The following CAMTA1 variants were observed in gnomAD, a reference collection of about 807,000 sequenced individuals.
CAMTA1 encodes the protein calmodulin-binding transcription activator 1.
A neutral mutation model predicts 170.9 loss-of-function variants in CAMTA1; 27 were observed. The observed-to-expected ratio is 0.16, with a 90% CI of 0.12 to 0.22. CAMTA1 has a LOEUF of 0.22. CAMTA1 is among the 10% of genes least tolerant of loss of function. CAMTA1 has a pLI of 1.00. For missense variants in CAMTA1, 1,619 were observed against 2,217.2 expected, an observed-to-expected ratio of 0.73 and a Z score of 5.42; for synonymous variants, 833 against 891.5, an observed-to-expected ratio of 0.93 and a Z score of 1.17.
At chr1:7,322,810 G>A (rs1012858902) in intron 5 of CAMTA1, among the ~76,000 whole-genome samples, 12 of 152,122 alleles carry the variant, frequency 7.9e-5, no homozygotes, top group Admixed American at 2.6e-4. Context: ...AGAATTACCA[G>A]AGATTTGTCA....
intron 4 of CAMTA1, among the ~76,000 whole-genome samples, chr1:7,238,275 C>G (rs1408945348): frequency 1.3e-5 from 2 of 151,664 alleles, no homozygotes; most frequent in Non-Finnish European, 2.9e-5. Flanking sequence ...GGATGAGACT[C>G]GGTGGTTTAG....
intron 6 of CAMTA1, among the ~76,000 whole-genome samples, chr1:7,595,957 C>T (rs908540783): frequency 4.6e-5 from 7 of 152,200 alleles, no homozygotes; most frequent in East Asian, 1.9e-4. Flanking sequence ...AGATTAGGGG[C>T]CTGACACTTG....
At chr1:7,670,667 C>T (rs1393010349) in intron 9 of CAMTA1, among the ~76,000 whole-genome samples, 2 of 152,172 alleles carry the variant, frequency 1.3e-5, no homozygotes, top group Non-Finnish European at 2.9e-5. Context: ...TTGGAGCTGC[C>T]GGTCCTGGGG....
intron 19 of CAMTA1, 106 bp downstream of exon 19, chr1:7,747,887 C>A: frequency 1.7e-6 from 1 of 604,736 alleles, no homozygotes; most frequent in Non-Finnish European, 2.8e-6. Context: ...ATTACAGAGA[C>A]TTAATTTGTT....
chr1:7,075,236 A>C (rs943738164), intron 3 of CAMTA1, among the ~76,000 whole-genome samples: 6 of 152,172 alleles, frequency 3.9e-5, no homozygotes, highest in African/African-American at 1.4e-4. Flanking sequence ...TGGGCCCTAG[A>C]GCAATGGTTT....
At position 7,059,465 on chromosome 1, in the gene CAMTA1, T is replaced by A. The variant is rs191868611; in HGVS notation, c.235-31839T>A. ...GGACCCCATCTCTACAAAAGATTTT[T>A]AAAAATTAGCTGGGCACAACGATGC... On this transcript the variant is annotated intron_variant, in intron 3 of 22. Coordinates refer to ENST00000303635, the MANE Select transcript of CAMTA1 (RefSeq NM_015215.4). Among the ~76,000 whole-genome samples, 41 of 152,056 alleles carry A rather than the reference T, an allele frequency of 2.7e-4. 1 individual carries two copies. The East Asian group carries it at 7.6e-3, about 28-fold the overall frequency.
At chr1:7,308,077 G>C (rs1367288133) in intron 5 of CAMTA1, among the ~76,000 whole-genome samples, 1 of 150,898 alleles carries the variant, frequency 6.6e-6, no homozygotes, top group Admixed American at 6.6e-5. Flanking sequence ...TTTTAAATCT[G>C]GGTGCATTTT....
intron 3 of CAMTA1, among the ~76,000 whole-genome samples, chr1:6,983,728 A>G (rs994744040): frequency 1.0e-4 from 13 of 130,618 alleles, no homozygotes; most frequent in Non-Finnish European, 1.6e-4. Context: ...ATGTATGGGT[A>G]GGGGGATGGG....
At chr1:7,226,603 A>G (rs186230396) in intron 4 of CAMTA1, among the ~76,000 whole-genome samples, 154 of 152,284 alleles carry the variant, frequency 1.0e-3, no homozygotes, top group Admixed American at 2.7e-3. Context: ...AGAGAACTCA[A>G]TGCTTCCGGA....
chr1:7,475,315 C>G (rs374555438), intron 6 of CAMTA1, among the ~76,000 whole-genome samples: 8 of 152,154 alleles, frequency 5.3e-5, no homozygotes, highest in Non-Finnish European at 1.0e-4. Flanking sequence ...CAGGGCTCCA[C>G]GGCTCCCACC....
chr1:6,849,487 G>A (rs765824596), intron 3 of CAMTA1, among the ~76,000 whole-genome samples: 3 of 152,052 alleles, frequency 2.0e-5, no homozygotes, highest in Admixed American at 6.6e-5. Flanking sequence ...AGCCTACAAA[G>A]GAGACTAAGA....
In CAMTA1 at chr1:7,211,942, A is replaced by T. The variant is rs1573927134; in HGVS notation, c.303-37549A>T. On this transcript the variant is annotated intron_variant, in intron 4 of 22. Coordinates refer to ENST00000303635, the MANE Select transcript of CAMTA1 (RefSeq NM_015215.4). ...AGTCCAACATCACAGGGTTCCTCCT[A>T]GCCGTTCATCTTTCCATATGTGGCA... Among the ~76,000 whole-genome samples, 3 of 152,242 alleles carry T rather than the reference A, an allele frequency of 2.0e-5. No homozygotes were observed. The South Asian group carries it at 6.2e-4, about 31-fold the overall frequency.
intron 3 of CAMTA1, among the ~76,000 whole-genome samples, chr1:7,076,876 T>C (rs1469779998): frequency 6.6e-6 from 1 of 152,220 alleles, no homozygotes; most frequent in Non-Finnish European, 1.5e-5. Flanking sequence ...TCATGAATTC[T>C]CCTCCTGTTT....
At chr1:7,284,376 G>A (rs1181821377) in intron 5 of CAMTA1, among the ~76,000 whole-genome samples, 2 of 151,726 alleles carry the variant, frequency 1.3e-5, no homozygotes, top group Non-Finnish European at 2.9e-5. Flanking sequence ...GCTAATTTTT[G>A]TATTTTTAGT....
intron 3 of CAMTA1, among the ~76,000 whole-genome samples, chr1:7,037,160 A>G (rs1343137176): frequency 6.6e-6 from 1 of 151,950 alleles, no homozygotes; most frequent in Non-Finnish European, 1.5e-5. Context: ...ACACTTGCTC[A>G]TTTGTTTAGT....
At chr1:7,225,230 G>A (rs1231130631) in intron 4 of CAMTA1, among the ~76,000 whole-genome samples, 5 of 152,032 alleles carry the variant, frequency 3.3e-5, no homozygotes, top group African/African-American at 7.2e-5. Flanking sequence ...GACTACAGGC[G>A]CCCACCACCA....
intron 1 of CAMTA1, among the ~76,000 whole-genome samples, chr1:6,798,344 C>T (rs959946140): frequency 6.6e-6 from 1 of 152,162 alleles, no homozygotes; most frequent in African/African-American, 2.4e-5. Flanking sequence ...ATTTTCAAAG[C>T]CATGTGCCAC....
At chr1:7,493,615 A>G (rs2093774581) in intron 6 of CAMTA1, among the ~76,000 whole-genome samples, 1 of 144,360 alleles carries the variant, frequency 6.9e-6, no homozygotes, top group Non-Finnish European at 1.5e-5. Flanking sequence ...TTATTCCTCA[A>G]AAGCACAGCA....
At position 6,970,910 on chromosome 1, in the gene CAMTA1, C is replaced by G. The variant is rs1692411979; in HGVS notation, c.235-120394C>G. 6.6e-6 allele frequency among the ~76,000 whole-genome samples: 1 copy of G among 152,194 alleles called. No individual in the cohort carries two copies. Among genetic ancestry groups the G allele is most frequent in the African/African-American group, 2.4e-5 (1 of 41,444 alleles). ...TGGCTGTGGTCCTCTGCAGGGACCACTGCTGTGTCTGTTTCCAGCCTCTCC... is the reference window on the plus strand; with the variant it reads ...TGGCTGTGGTCCTCTGCAGGGACCAGTGCTGTGTCTGTTTCCAGCCTCTCC... On this transcript the variant is annotated intron_variant, in intron 3 of 22. Transcript: ENST00000303635. This position sits in a 1 kb window ranked among gnomAD's most constrained non-coding sequence, Gnocchi z 4.4.
Sources: allele counts gnomAD v4.1 joint callset (sites outside exome capture counted in the v4.1 genomes callset), GRCh38; gene constraint gnomAD v4.1.1; non-coding constraint Gnocchi (gnomAD v3.1); transcripts MANE v1.5; gene names NCBI Gene and HGNC (gene_info 2026-07-23, HGNC 2026-07-21).